The following PLCB1 variants were observed in gnomAD, a reference collection of about 807,000 sequenced individuals.
The protein encoded by PLCB1 is 1-phosphatidylinositol 4,5-bisphosphate phosphodiesterase beta-1.
A neutral mutation model predicts 161.8 loss-of-function variants in PLCB1; 46 were observed. The observed-to-expected ratio is 0.28, with a 90% CI of 0.22 to 0.36. The LOEUF (loss-of-function observed/expected upper bound fraction) is 0.36, where lower values mean the gene tolerates loss of function less well. Ranked by LOEUF, PLCB1 falls within the 10% of genes least tolerant of loss-of-function variation. The pLI is 1.00. For missense variants in PLCB1, 1,016 were observed against 1,472.5 expected, an observed-to-expected ratio of 0.69 and a Z score of 5.07; for synonymous variants, 517 against 503.7, an observed-to-expected ratio of 1.03 and a Z score of -0.35.
At chr20:8,428,729 C>T (rs1775201) in intron 3 of PLCB1, among the ~76,000 whole-genome samples, 108,248 of 152,034 alleles carry the variant, frequency 0.71, 38,712 homozygotes, top group Non-Finnish European at 0.74. Flanking sequence ...TTCAAATGAG[C>T]TCACATCTCT....
chr20:8,729,215 TGCCAA>T (rs751323529), intron 18 of PLCB1, 41 bp downstream of exon 18: 1 of 1,514,976 alleles, frequency 6.6e-7, no homozygotes, highest in Non-Finnish European at 8.9e-7. Context: ...GAACTCACAT[TGCCAA>T]GTGTCCAAAA....
At chr20:8,689,830 A>G (rs982375315) in intron 10 of PLCB1, among the ~76,000 whole-genome samples, 2 of 151,066 alleles carry the variant, frequency 1.3e-5, no homozygotes, top group African/African-American at 4.9e-5. Context: ...CCATTGTGTC[A>G]GGTTAGTTTA....
Position 8,301,528 on chromosome 20 carries a change from C to G in PLCB1, c.178-69854C>G, listed in dbSNP as rs142078165. 8.3e-4 allele frequency among the ~76,000 whole-genome samples: 126 copies of G among 152,278 alleles called. 2 individuals carry two copies. In the East Asian group the frequency reaches 0.023, roughly 28 times the overall value. ...AGCCAGAATGCTAAGAGAGCCACCA[C>G]CCACTGCTCCACCATGACCCGCCAT... On this transcript the variant is annotated intron_variant, in intron 2 of 31. Coordinates refer to ENST00000338037, the MANE Select transcript of PLCB1 (RefSeq NM_015192.4).
intron 3 of PLCB1, among the ~76,000 whole-genome samples, chr20:8,452,973 G>A (rs907394825): frequency 1.3e-5 from 2 of 152,176 alleles, no homozygotes; most frequent in Non-Finnish European, 2.9e-5. Context: ...CAGAATTCCA[G>A]CTATGAGAAT....
At chr20:8,371,330 A>G (rs1986896725) in intron 2 of PLCB1, 52 bp from the exon 3 acceptor site, 5 of 1,245,720 alleles carry the variant, frequency 4.0e-6, no homozygotes, top group African/African-American at 1.5e-5. Flanking sequence ...ACATAAAACA[A>G]AGAGGAAAGG....
At chr20:8,554,828 G>A (rs1305217836) in intron 3 of PLCB1, among the ~76,000 whole-genome samples, 3 of 152,014 alleles carry the variant, frequency 2.0e-5, no homozygotes, top group Non-Finnish European at 2.9e-5. Flanking sequence ...ATCACCTGTT[G>A]CTGTTCTACG....
intron 3 of PLCB1, among the ~76,000 whole-genome samples, chr20:8,379,577 A>G (rs1394811668): frequency 6.6e-6 from 1 of 152,144 alleles, no homozygotes; most frequent in African/African-American, 2.4e-5. Context: ...AACAGTATAA[A>G]AGCATTCCTA....
At chr20:8,706,655 T>C (rs1327332268) in intron 11 of PLCB1, among the ~76,000 whole-genome samples, 1 of 152,182 alleles carries the variant, frequency 6.6e-6, no homozygotes, top group Non-Finnish European at 1.5e-5. Context: ...GCTTTGCTCT[T>C]AGCTGGCTAA....
At chr20:8,277,530 C>A (rs2123277238) in intron 2 of PLCB1, among the ~76,000 whole-genome samples, 1 of 152,048 alleles carries the variant, frequency 6.6e-6, no homozygotes, top group Non-Finnish European at 1.5e-5. Flanking sequence ...TAATATATTT[C>A]TTAGACTCAC....
chr20:8,499,263 A>G (rs1364047627), intron 3 of PLCB1, among the ~76,000 whole-genome samples: 2 of 152,214 alleles, frequency 1.3e-5, no homozygotes, highest in South Asian at 2.1e-4. Flanking sequence ...TGAGAAACAT[A>G]CAAGTATTGC....
At chr20:8,295,751 C>A (rs953109571) in intron 2 of PLCB1, among the ~76,000 whole-genome samples, 5 of 151,896 alleles carry the variant, frequency 3.3e-5, no homozygotes, top group Non-Finnish European at 5.9e-5. Flanking sequence ...TCTCTGTCAC[C>A]CAGGCTGAAG....
chr20:8,735,563 C>A (rs1178551060), intron 19 of PLCB1, among the ~76,000 whole-genome samples: 1 of 152,194 alleles, frequency 6.6e-6, no homozygotes, highest in Non-Finnish European at 1.5e-5. Flanking sequence ...GACTTGTGAG[C>A]TCACATGATG....
chr20:8,244,961 C>T (rs1029875255), intron 2 of PLCB1, among the ~76,000 whole-genome samples: 1 of 149,104 alleles, frequency 6.7e-6, no homozygotes, highest in Non-Finnish European at 1.5e-5. Flanking sequence ...AATAGTGTGG[C>T]TTAGGAGAGG....
At chr20:8,288,985 G>A (rs1983258424) in intron 2 of PLCB1, among the ~76,000 whole-genome samples, 1 of 152,082 alleles carries the variant, frequency 6.6e-6, no homozygotes, top group South Asian at 2.1e-4. Flanking sequence ...ACATAGTTAG[G>A]TACCGGGGAC....
At chr20:8,352,567 C>A (rs1293587225) in intron 2 of PLCB1, among the ~76,000 whole-genome samples, 1 of 151,408 alleles carries the variant, frequency 6.6e-6, no homozygotes, top group Middle Eastern at 3.4e-3. Context: ...CAAGAGAATC[C>A]CAGGATGGAA....
At position 8,644,811 on chromosome 20, in the gene PLCB1, C is replaced by A. The variant is rs554658819; in HGVS notation, c.385-1291C>A. Among the ~76,000 whole-genome samples the A allele has an allele frequency of 1.3e-4, 20 of 152,260 alleles. No individual in the cohort carries two copies. The East Asian group carries it at 2.5e-3, about 19-fold the overall frequency. ...GAGGGGCCCCTCTGCTCGGCCACCA[C>A]CCCGTCTGGGAGGTGTACCCAACAG... On this transcript the variant is annotated intron_variant, in intron 4 of 31. Coordinates refer to ENST00000338037, the MANE Select transcript of PLCB1 (RefSeq NM_015192.4).
At chr20:8,611,409 G>A (rs564843504) in intron 3 of PLCB1, among the ~76,000 whole-genome samples, 1 of 152,034 alleles carries the variant, frequency 6.6e-6, no homozygotes, top group African/African-American at 2.4e-5. Context: ...TGTTAATAAA[G>A]GGATCACCAA....
intron 3 of PLCB1, among the ~76,000 whole-genome samples, chr20:8,482,344 C>A (rs1363277728): frequency 6.6e-6 from 1 of 151,958 alleles, no homozygotes; most frequent in Non-Finnish European, 1.5e-5. Flanking sequence ...TCTTGTGATC[C>A]ACTCACCTCG....
intron 31 of PLCB1, among the ~76,000 whole-genome samples, chr20:8,810,586 A>G (rs1352582041): frequency 6.6e-6 from 1 of 152,212 alleles, no homozygotes; most frequent in African/African-American, 2.4e-5. Flanking sequence ...TTTAGATTGC[A>G]TAAGAATGGA....
Sources: gnomAD v4.1 joint callset for allele counts (sites outside exome capture counted in the v4.1 genomes callset) on GRCh38, gnomAD v4.1.1 for gene constraint, MANE v1.5 for transcripts, NCBI Gene and HGNC (gene_info 2026-07-23, HGNC 2026-07-21) for gene names.